The following PCGF3 variants were observed in gnomAD, a reference collection of about 807,000 sequenced individuals.
The protein encoded by PCGF3 is polycomb group RING finger protein 3.
Under a neutral mutation model 33.1 loss-of-function variants are expected in PCGF3, and 7 were observed. That is an observed-to-expected ratio of 0.21 (90% confidence interval 0.12 to 0.40). The LOEUF (loss-of-function observed/expected upper bound fraction) is 0.40. Ranked by LOEUF, PCGF3 falls within the 10% of genes least tolerant of loss-of-function variation. The pLI is 1.00. For synonymous variants in PCGF3, 153 were observed against 121.3 expected (o/e 1.26, Z -1.72); for missense variants, 211 against 313.3 (o/e 0.67, Z 2.46).
rs188100529 is a variant in PCGF3, at chr4:769,355, C to T, written c.*3276C>T. ...CTGGGTACAAGCCAACCTAGTCCCA[C>T]GTTGTACGTGAATGTTTAATGTGCT... On this transcript the variant is annotated 3_prime_UTR_variant, in exon 11 of 11. Transcript: ENST00000362003. 6.0e-3 allele frequency: 915 copies of T among 152,840 alleles called. 6 individuals are homozygous for T. Among genetic ancestry groups the T allele is most frequent in the Middle Eastern group, 0.017 (5 of 294 alleles). The allele number at this position is 152,840 out of a possible 1,614,324, so 9.5% of individuals were successfully genotyped here.
chr4:713,810 A>C (rs1742686582), intron 1 of PCGF3, among the ~76,000 whole-genome samples: 1 of 152,178 alleles, frequency 6.6e-6, no homozygotes, highest in African/African-American at 2.4e-5. Flanking sequence ...CTTATTTCGC[A>C]GTGTGAGCCT....
At chr4:757,381 A>T (rs1224314745) in intron 8 of PCGF3, 1 of 152,230 alleles carries the variant, frequency 6.6e-6, no homozygotes, top group Non-Finnish European at 1.5e-5. Context: ...CTGCTTATAG[A>T]GACGTGAAGC....
At chr4:706,235 C>T (rs974791379) in intron 1 of PCGF3, among the ~76,000 whole-genome samples, 1 of 150,150 alleles carries the variant, frequency 6.7e-6, no homozygotes, top group African/African-American at 2.5e-5. Context: ...AGGGCTGGGA[C>T]TCCAGCCTAG....
chr4:762,825 G>T (rs1052863997), intron 9 of PCGF3: 1 of 152,216 alleles, frequency 6.6e-6, no homozygotes, highest in African/African-American at 2.4e-5. Flanking sequence ...TAATTTCCAC[G>T]GCAGCCGCAG....
exon 11 of PCGF3, chr4:769,915 T>TACATTTTTTATGCTTTG (rs1215737427): frequency 6.5e-6 from 1 of 152,682 alleles, no homozygotes; most frequent in African/African-American, 2.4e-5. Context: ...TTTGAAAGTT[T>TACATTTTTTATGCTTTG]ACATTTTTTA....
Position 761,141 on chromosome 4 carries a change from T to TG in PCGF3, c.463-137dup, listed in dbSNP as rs1745032883. On this transcript the variant is annotated intron_variant, in intron 8 of 10. Transcript: ENST00000362003. The stretch of plus-strand genomic sequence containing the variant: ...ATGTAAGATTCTTTTTCTGCAGTGT[T>TG]GAAGTCAAAGCAGATGTCTGATCTC... 6 of 550,632 alleles carry TG rather than the reference T, an allele frequency of 1.1e-5. 1 individual carries two copies. The South Asian group carries it at 2.5e-4, about 23-fold the overall frequency. The allele number at this position is 550,632 out of a possible 1,614,324, so 34.1% of individuals were successfully genotyped here.
chr4:730,864 C>T, intron 2 of PCGF3, 106 bp from the exon 3 acceptor site: 2 of 396,472 alleles, frequency 5.0e-6, no homozygotes, highest in Non-Finnish European at 8.9e-6. Context: ...CCATTCCGCC[C>T]TTTGCTCGGT....
chr4:743,349 T>G (rs898829683), intron 6 of PCGF3, 125 bp from the exon 7 acceptor site: 17 of 635,542 alleles, frequency 2.7e-5, no homozygotes, highest in Admixed American at 1.0e-4. Context: ...TTTGCTGCTT[T>G]CTTATTAGTA....
At chr4:743,683 C>T (rs1744191898) in intron 7 of PCGF3, 99 bp downstream of exon 7, 2 of 707,162 alleles carry the variant, frequency 2.8e-6, no homozygotes, top group South Asian at 1.7e-5. Flanking sequence ...CCCACACGCA[C>T]TCACGGGAGA....
At chr4:743,744 C>T (rs145849636) in intron 7 of PCGF3, 160 bp downstream of exon 7, 2 of 575,052 alleles carry the variant, frequency 3.5e-6, no homozygotes, top group East Asian at 3.0e-5. Flanking sequence ...GGCGTTCCTC[C>T]TCACTCCTGG....
At chr4:724,837 C>T (rs1345153389) in intron 1 of PCGF3, among the ~76,000 whole-genome samples, 4 of 151,670 alleles carry the variant, frequency 2.6e-5, no homozygotes, top group South Asian at 2.1e-4. Flanking sequence ...TGGTGGTGCA[C>T]GCCTGTAGTC....
intron 1 of PCGF3, among the ~76,000 whole-genome samples, chr4:717,317 C>G (rs1742898858): frequency 6.6e-6 from 1 of 151,326 alleles, no homozygotes; most frequent in South Asian, 2.1e-4. Context: ...GGCGTCGGTG[C>G]TGGGACCCTG....
intron 8 of PCGF3, 33 bp downstream of exon 8, chr4:744,721 G>C: frequency 2.1e-6 from 2 of 972,092 alleles, no homozygotes; most frequent in South Asian, 1.5e-5. Flanking sequence ...TGCAGTGTTA[G>C]TGTTCGCCGT....
intron 1 of PCGF3, among the ~76,000 whole-genome samples, chr4:729,414 C>CAA (rs35325787): frequency 4.7e-4 from 65 of 139,144 alleles, no homozygotes; most frequent in African/African-American, 1.2e-3. Context: ...GATCCTGTCT[C>CAA]AAAAAAAAAA....
At chr4:761,816 T>C in intron 9 of PCGF3, 1 of 985,396 alleles carries the variant, frequency 1.0e-6, no homozygotes, top group Non-Finnish European at 1.2e-6. Flanking sequence ...GAGGCGGCCT[T>C]GGCAGCGGGC....
At chr4:767,985 A>G (rs1257659420) in exon 11 of PCGF3, 2 of 152,710 alleles carry the variant, frequency 1.3e-5, no homozygotes, top group African/African-American at 4.8e-5. Context: ...TTAAACAGTT[A>G]CAAGCCTCCA....
At chr4:714,465 A>G (rs1243196055) in intron 1 of PCGF3, among the ~76,000 whole-genome samples, 1 of 152,140 alleles carries the variant, frequency 6.6e-6, no homozygotes, top group East Asian at 1.9e-4. Flanking sequence ...CTACAACCCC[A>G]CTGTGACCCT....
At chr4:768,630 C>T (rs1745484324) in exon 11 of PCGF3, 2 of 152,196 alleles carry the variant, frequency 1.3e-5, no homozygotes, top group Non-Finnish European at 2.9e-5. Context: ...TTTTCATGGA[C>T]ATAGAAAATT....
intron 8 of PCGF3, among the ~76,000 whole-genome samples, chr4:748,894 T>C (rs1055757220): frequency 5.9e-5 from 9 of 152,096 alleles, no homozygotes; most frequent in African/African-American, 2.2e-4. Flanking sequence ...TGGGATCTCG[T>C]GGAAATTCAG....
Sources: allele counts gnomAD v4.1 joint callset (sites outside exome capture counted in the v4.1 genomes callset), GRCh38; gene constraint gnomAD v4.1.1; transcripts MANE v1.5; gene names NCBI Gene and HGNC (gene_info 2026-07-23, HGNC 2026-07-21).